Variants in ARL15 observed in about 807,000 individuals in gnomAD.
ARL15 encodes the protein ADP-ribosylation factor-like protein 15.
ARL15 carries 19 observed loss-of-function variants against 25.2 expected under a neutral mutation model. The observed-to-expected ratio is 0.75, with a 90% CI of 0.53 to 1.10. ARL15 has a LOEUF of 1.10. Among genes scored for constraint, ARL15 ranks in the 50% least tolerant of loss-of-function variants. The pLI is 0.00. For synonymous variants in ARL15, 94 were observed against 86.8 expected (o/e 1.08, Z -0.46); for missense variants, 220 against 246.0 (o/e 0.89, Z 0.71).
chr5:54,123,996 C>T (rs1753168324), intron 3 of ARL15, among the ~76,000 whole-genome samples: 1 of 152,104 alleles, frequency 6.6e-6, no homozygotes, highest in Admixed American at 6.5e-5. Flanking sequence ...ACTTCACTTC[C>T]AAATACAGTT....
chr5:53,987,252 A>C (rs1443472675), intron 4 of ARL15, among the ~76,000 whole-genome samples: 2 of 152,166 alleles, frequency 1.3e-5, no homozygotes, highest in Non-Finnish European at 2.9e-5. Context: ...TGTAGAAATG[A>C]ATATTGAACT....
At chr5:54,159,814 C>T (rs1754350883) in intron 2 of ARL15, among the ~76,000 whole-genome samples, 1 of 152,206 alleles carries the variant, frequency 6.6e-6, no homozygotes, top group African/African-American at 2.4e-5. Flanking sequence ...CTTTGTTTTG[C>T]AGTCCTTAAA....
At chr5:54,187,035 A>C (rs557883728) in intron 1 of ARL15, among the ~76,000 whole-genome samples, 74 of 152,318 alleles carry the variant, frequency 4.9e-4, no homozygotes, top group African/African-American at 1.7e-3. Context: ...ACAGAAAAGC[A>C]ATTCATTGGA....
chr5:54,001,387 C>T (rs1208775506), intron 4 of ARL15, among the ~76,000 whole-genome samples: 1 of 152,166 alleles, frequency 6.6e-6, no homozygotes, highest in East Asian at 1.9e-4. Context: ...GTCAATACCC[C>T]ACTCTAGTTA....
At chr5:54,286,960 C>T (rs983508044) in intron 1 of ARL15, among the ~76,000 whole-genome samples, 3 of 151,626 alleles carry the variant, frequency 2.0e-5, no homozygotes, top group African/African-American at 7.3e-5. Context: ...CCTGGACCTC[C>T]TGTCCAGGAT....
At chr5:54,010,927 G>C (rs1221486413) in intron 4 of ARL15, among the ~76,000 whole-genome samples, 6 of 151,602 alleles carry the variant, frequency 4.0e-5, no homozygotes, top group Non-Finnish European at 8.8e-5. Context: ...GTGAACCCGG[G>C]AGGCGGAGCT....
At chr5:54,072,187 G>C (rs1751449566) in intron 4 of ARL15, among the ~76,000 whole-genome samples, 1 of 152,078 alleles carries the variant, frequency 6.6e-6, no homozygotes, top group African/African-American at 2.4e-5. Context: ...GTACAAGACA[G>C]GTTGGTTACT....
At chr5:54,278,163 G>A (rs1757970442) in intron 1 of ARL15, among the ~76,000 whole-genome samples, 1 of 152,164 alleles carries the variant, frequency 6.6e-6, no homozygotes, top group Non-Finnish European at 1.5e-5. Flanking sequence ...TGTTATTATA[G>A]TTCCCAACGC....
chr5:54,156,261 A>T (rs191793373), intron 2 of ARL15, among the ~76,000 whole-genome samples: 1 of 152,352 alleles, frequency 6.6e-6, no homozygotes, highest in African/African-American at 2.4e-5. Flanking sequence ...GGAGTCAGAC[A>T]GAACTAGGTT....
chr5:54,167,730 T>G (rs1754614278), intron 2 of ARL15, among the ~76,000 whole-genome samples: 1 of 152,150 alleles, frequency 6.6e-6, no homozygotes, highest in Non-Finnish European at 1.5e-5. Context: ...ACAAATTCTC[T>G]TAGCACTATT....
intron 4 of ARL15, among the ~76,000 whole-genome samples, chr5:54,105,802 C>T (rs1045051797): frequency 3.9e-5 from 6 of 152,102 alleles, no homozygotes; most frequent in African/African-American, 1.2e-4. Context: ...ACGCTGGTCT[C>T]GAACTCCTGA....
intron 1 of ARL15, among the ~76,000 whole-genome samples, chr5:54,261,038 G>C (rs758378672): frequency 1.3e-5 from 2 of 152,190 alleles, no homozygotes; most frequent in Non-Finnish European, 2.9e-5. Context: ...CCAGTAGGTA[G>C]CAGGTCTTGC....
At chr5:54,173,860 CT>C (rs1385010543) in intron 1 of ARL15, among the ~76,000 whole-genome samples, 9 of 152,100 alleles carry the variant, frequency 5.9e-5, no homozygotes. Context: ...CCTCACTCCC[CT>C]ACATCCTCCA....
At chr5:53,999,419 T>A (rs2111711365) in intron 4 of ARL15, among the ~76,000 whole-genome samples, 1 of 150,962 alleles carries the variant, frequency 6.6e-6, no homozygotes, top group Admixed American at 6.6e-5. Flanking sequence ...TGAAATCCCG[T>A]TCCTGCTAAA....
In ARL15 at chr5:53,900,918, C is replaced by T. The variant is rs115735390; in HGVS notation, c.463-14205G>A. On this transcript the variant is annotated intron_variant, in intron 4 of 4. Transcript: ENST00000504924. ...TGGAAAAGAGAACCACTCCAGAAAT[C>T]TCAAGACCCACATAGGACACTTATG... 5.5e-4 allele frequency among the ~76,000 whole-genome samples: 84 copies of T among 152,312 alleles called. 1 individual carries two copies. Among genetic ancestry groups the T allele is most frequent in the African/African-American group, 1.8e-3 (76 of 41,578 alleles).
intron 4 of ARL15, among the ~76,000 whole-genome samples, chr5:54,075,367 C>G (rs1310447178): frequency 6.6e-6 from 1 of 152,130 alleles, no homozygotes; most frequent in Non-Finnish European, 1.5e-5. Context: ...TTAGTGAATA[C>G]TACTTTACAT....
intron 4 of ARL15, among the ~76,000 whole-genome samples, chr5:54,028,596 A>G (rs1209634287): frequency 6.6e-6 from 1 of 152,072 alleles, no homozygotes; most frequent in African/African-American, 2.4e-5. Flanking sequence ...TTTTACCAAT[A>G]TGTCAAAAGT....
At chr5:54,045,315 A>G (rs542790063) in intron 4 of ARL15, among the ~76,000 whole-genome samples, 5 of 152,194 alleles carry the variant, frequency 3.3e-5, no homozygotes, top group Non-Finnish European at 7.3e-5. Context: ...AATCATGCTG[A>G]TTGCTTGAAA....
chr5:54,145,934 G>T (rs1051971845), intron 3 of ARL15, among the ~76,000 whole-genome samples: 1 of 152,100 alleles, frequency 6.6e-6, no homozygotes, highest in Non-Finnish European at 1.5e-5. Flanking sequence ...TAAACTTAGT[G>T]TATCTCCATG....
Sources: allele counts gnomAD v4.1 joint callset (sites outside exome capture counted in the v4.1 genomes callset), GRCh38; gene constraint gnomAD v4.1.1; transcripts MANE v1.5; gene names NCBI Gene and HGNC (gene_info 2026-07-23, HGNC 2026-07-21).